AGMO: variants seen among roughly 807,000 people sequenced by gnomAD.
The protein encoded by AGMO is glyceryl-ether monooxygenase.
AGMO carries 75 observed loss-of-function variants against 60.2 expected under a neutral mutation model. The observed-to-expected ratio is 1.25, with a 90% confidence interval of 1.03 to 1.51. AGMO has a LOEUF of 1.51. Ranked by LOEUF, AGMO falls within the 40% of genes most tolerant of loss-of-function variation. The pLI is 0.00. For synonymous variants in AGMO, 261 were observed against 177.1 expected (o/e 1.47, Z -3.76); for missense variants, 763 against 525.5 (o/e 1.45, Z -4.42).
chr7:15,320,124 A>AAC (rs397972594), intron 12 of AGMO, among the ~76,000 whole-genome samples: 54 of 103,556 alleles, frequency 5.2e-4, no homozygotes, highest in African/African-American at 1.9e-3. Context: ...GGGGTGGGGG[A>AAC]GGGGGAAGGG....
chr7:15,384,154 G>T (rs1783816341), intron 10 of AGMO, among the ~76,000 whole-genome samples: 1 of 152,106 alleles, frequency 6.6e-6, no homozygotes, highest in South Asian at 2.1e-4. Flanking sequence ...AGCCAGGATG[G>T]TCTCGATCTC....
chr7:15,472,315 GT>G (rs754293242), intron 3 of AGMO, among the ~76,000 whole-genome samples: 2 of 151,836 alleles, frequency 1.3e-5, no homozygotes, highest in Non-Finnish European at 2.9e-5. Flanking sequence ...ACAAAAATAT[GT>G]TCAAAAAGCT....
chr7:15,209,220 T>C (rs1168013197), intron 12 of AGMO, among the ~76,000 whole-genome samples: 3 of 152,194 alleles, frequency 2.0e-5, no homozygotes, highest in South Asian at 2.1e-4. Flanking sequence ...GCATCTCACA[T>C]GGATAACAGT....
At chr7:15,174,270 A>G in the AGMO span, among the ~76,000 whole-genome samples, 2 of 152,136 alleles carry the variant, frequency 1.3e-5, no homozygotes, top group African/African-American at 4.8e-5. Flanking sequence ...ATATGTAAAT[A>G]CATAAAATCT....
chr7:15,315,225 G>A (rs540796056), intron 12 of AGMO, among the ~76,000 whole-genome samples: 8 of 150,890 alleles, frequency 5.3e-5, no homozygotes, highest in Non-Finnish European at 1.2e-4. Context: ...TAAGTTTGTG[G>A]TAACTTGCTA....
chr7:15,498,223 C>G (rs1783286226), intron 3 of AGMO, among the ~76,000 whole-genome samples: 1 of 151,966 alleles, frequency 6.6e-6, no homozygotes, highest in African/African-American at 2.4e-5. Context: ...TTACTTGGCA[C>G]ACAAATAACT....
chr7:15,213,224 A>C (rs1781645360), intron 12 of AGMO, among the ~76,000 whole-genome samples: 1 of 151,848 alleles, frequency 6.6e-6, no homozygotes, highest in African/African-American at 2.4e-5. Flanking sequence ...AAATATAAAG[A>C]AGTCTTCTAT....
intron 3 of AGMO, among the ~76,000 whole-genome samples, chr7:15,499,977 G>A (rs1009086463): frequency 6.7e-6 from 1 of 148,878 alleles, no homozygotes; most frequent in Non-Finnish European, 1.5e-5. Context: ...AAAGCAATTG[G>A]ATTTTGAAGT....
At chr7:15,122,585 A>G in the AGMO span, among the ~76,000 whole-genome samples, 1 of 152,114 alleles carries the variant, frequency 6.6e-6, no homozygotes, top group East Asian at 1.9e-4. Context: ...CTGCTCCTCC[A>G]GAAATCTGTC....
chr7:15,222,957 T>A (rs1020599502), intron 12 of AGMO, among the ~76,000 whole-genome samples: 13 of 152,056 alleles, frequency 8.5e-5, no homozygotes, highest in Admixed American at 7.9e-4. Context: ...TTCCAAAATG[T>A]CTCAAAATAT....
chr7:15,292,722 T>C (rs1402058220), intron 12 of AGMO, among the ~76,000 whole-genome samples: 2 of 149,950 alleles, frequency 1.3e-5, no homozygotes, highest in Non-Finnish European at 3.0e-5. Flanking sequence ...CTCCAGCCTC[T>C]GGAAATACAG....
intron 9 of AGMO, 43 bp downstream of exon 9, chr7:15,387,363 T>A (rs549463738): frequency 3.8e-6 from 6 of 1,598,574 alleles, no homozygotes; most frequent in Admixed American, 1.7e-5. Context: ...CCTGACAATA[T>A]GAGACAATCT....
chr7:15,340,141 C>G (rs1781795999), intron 12 of AGMO, among the ~76,000 whole-genome samples: 1 of 152,116 alleles, frequency 6.6e-6, no homozygotes, highest in South Asian at 2.1e-4. Context: ...AGCCTAAACT[C>G]AAAATTCATT....
chr7:15,452,769 T>C (rs1781888602), intron 3 of AGMO, among the ~76,000 whole-genome samples: 1 of 152,112 alleles, frequency 6.6e-6, no homozygotes. Context: ...TTCACACAAA[T>C]CTTGCACACA....
At chr7:15,401,452 A>T (rs941413094) in intron 5 of AGMO, among the ~76,000 whole-genome samples, 1 of 152,098 alleles carries the variant, frequency 6.6e-6, no homozygotes, top group Non-Finnish European at 1.5e-5. Flanking sequence ...AAAACAAATT[A>T]TTTCATTTGT....
intron 3 of AGMO, among the ~76,000 whole-genome samples, chr7:15,456,341 T>A (rs768777303): frequency 9.9e-5 from 15 of 152,258 alleles, no homozygotes; most frequent in Non-Finnish European, 1.3e-4. Flanking sequence ...TCTTTTGTTG[T>A]TATTGTCACT....
intron 12 of AGMO, among the ~76,000 whole-genome samples, chr7:15,211,951 T>G (rs1440505180): frequency 6.6e-6 from 1 of 151,992 alleles, no homozygotes; most frequent in African/African-American, 2.4e-5. Flanking sequence ...TGATACATTT[T>G]TGGACTAGCG....
intron 12 of AGMO, among the ~76,000 whole-genome samples, chr7:15,341,004 G>A (rs1381719195): frequency 6.6e-6 from 1 of 152,122 alleles, no homozygotes; most frequent in Non-Finnish European, 1.5e-5. Flanking sequence ...AAACCAAAGG[G>A]GTGGAGCTGC....
the AGMO span, among the ~76,000 whole-genome samples, chr7:15,139,192 C>A: frequency 6.6e-6 from 1 of 152,140 alleles, no homozygotes; most frequent in African/African-American, 2.4e-5. Context: ...TCTGAGTTCT[C>A]TAAAACGGTA....
Sources: gnomAD v4.1 joint callset for allele counts (sites outside exome capture counted in the v4.1 genomes callset) on GRCh38, gnomAD v4.1.1 for gene constraint, MANE v1.5 for transcripts, NCBI Gene and HGNC (gene_info 2026-07-23, HGNC 2026-07-21) for gene names.